The following KIAA0232 variants were observed in gnomAD, a reference collection of about 807,000 sequenced individuals.
KIAA0232 encodes the protein KIAA0232, also known as uncharacterized protein KIAA0232.
Under a neutral mutation model 122.0 loss-of-function variants are expected in KIAA0232, and 27 were observed. The ratio of observed to expected loss-of-function variants is 0.22; its 90% confidence interval spans 0.16 to 0.31. The LOEUF (loss-of-function observed/expected upper bound fraction) is 0.31. Ranked by LOEUF, KIAA0232 falls within the 10% of genes least tolerant of loss-of-function variation. The pLI is 1.00. For missense variants in KIAA0232, 1,551 were observed against 1,634.2 expected (o/e 0.95, Z 0.88); for synonymous variants, 613 against 587.6 (o/e 1.04, Z -0.63).
At chr4:6,818,077 C>A (rs1199907002) in intron 2 of KIAA0232, among the ~76,000 whole-genome samples, 1 of 151,920 alleles carries the variant, frequency 6.6e-6, no homozygotes, top group African/African-American at 2.4e-5. Context: ...ATTTTATACA[C>A]CTATAACATT....
At chr4:6,860,557 G>T (rs1371527909) in intron 6 of KIAA0232, among the ~76,000 whole-genome samples, 2 of 152,200 alleles carry the variant, frequency 1.3e-5, no homozygotes, top group Non-Finnish European at 2.9e-5. Flanking sequence ...TTCAAATTCA[G>T]ATAATGCTTA....
rs576456323 is a variant in KIAA0232, at chr4:6,822,510, T to G, written c.-269-1675T>G. Among the ~76,000 whole-genome samples, 62 of 152,306 alleles carry G rather than the reference T, an allele frequency of 4.1e-4. 1 individual carries two copies. The South Asian group carries it at 0.011, about 26-fold the overall frequency. ...CTTTGAAAGTAATTTTTGGTAGCCC[T>G]CTTATTATCTGTTAAAATTCATGCA... On this transcript the variant is annotated intron_variant, in intron 2 of 9. Transcript: ENST00000307659.
chr4:6,862,299 T>G lies in KIAA0232; in HGVS notation c.1917T>G (p.Asn639Lys), dbSNP rs1225051937. Reference sequence around the variant, plus strand: ...ATCAAGAGCTCTTTTCAGATATTAATGAAGGATCTGGTATAAACTCTTGTT... The same window carrying G: ...ATCAAGAGCTCTTTTCAGATATTAAGGAAGGATCTGGTATAAACTCTTGTT... ...AGNQELFSDI[N>K]EGSGINSCFS... Residue 639 changes from asparagine (N) to lysine (K), a missense_variant, in exon 7 of 10, where the codon AAT becomes AAG. Physicochemically the swap from Asn to Lys is moderately conservative, Grantham distance 94. This residue lies in a region of KIAA0232 where 1,108 missense variants were observed against 1,154.8 expected (regional missense o/e 0.96). Coordinates refer to ENST00000307659, the MANE Select transcript of KIAA0232 (RefSeq NM_014743.3). The G allele has an allele frequency of 1.7e-5, 28 of 1,614,160 alleles. No individual in the cohort carries two copies. The highest frequency in any genetic ancestry group is 2.0e-5 in the Non-Finnish European group (24 of 1,180,010).
chr4:6,822,357 C>G (rs1718462842), intron 2 of KIAA0232, among the ~76,000 whole-genome samples: 1 of 152,052 alleles, frequency 6.6e-6, no homozygotes, highest in Non-Finnish European at 1.5e-5. Flanking sequence ...AAACTGTTGT[C>G]TTTATATTTA....
chr4:6,826,184 G>C (rs951084700), intron 3 of KIAA0232, among the ~76,000 whole-genome samples: 6 of 152,196 alleles, frequency 3.9e-5, no homozygotes, highest in Non-Finnish European at 5.9e-5. Flanking sequence ...ATCATGTCTA[G>C]CTGGACACAG....
At chr4:6,865,903 T>C (rs779328689) in intron 7 of KIAA0232, among the ~76,000 whole-genome samples, 6 of 152,192 alleles carry the variant, frequency 3.9e-5, no homozygotes, top group Non-Finnish European at 7.3e-5. Context: ...GAGTTATTTA[T>C]ATCCTGGACT....
At position 6,862,521 on chromosome 4, in the gene KIAA0232, A is replaced by G. The variant is rs183638611; in HGVS notation, c.2139A>G (p.Pro713=). ...CSNLSTRTCS[P]WSHSEETRSD... Reference sequence around the variant, plus strand: ...ATCTTTCAACAAGAACTTGTAGTCCATGGTCCCATTCAGAAGAAACACGTT... The same window carrying G: ...ATCTTTCAACAAGAACTTGTAGTCCGTGGTCCCATTCAGAAGAAACACGTT... The change falls in exon 7 of 10, where the codon CCA becomes CCG. Residue 713 remains proline, a synonymous_variant. Transcript: ENST00000307659. 5 of 1,613,792 alleles carry G rather than the reference A, an allele frequency of 3.1e-6. No homozygotes were observed. In the Admixed American group the frequency reaches 5.0e-5, roughly 16 times the overall value.
At chr4:6,803,116 G>A (rs1357166378) in intron 1 of KIAA0232, among the ~76,000 whole-genome samples, 3 of 150,724 alleles carry the variant, frequency 2.0e-5, no homozygotes, top group African/African-American at 7.3e-5. Flanking sequence ...AGGAGTTCTA[G>A]GCTGTAGTAA....
intron 4 of KIAA0232, among the ~76,000 whole-genome samples, chr4:6,842,838 C>T (rs1235824852): frequency 3.3e-5 from 5 of 152,056 alleles, no homozygotes; most frequent in East Asian, 1.9e-4. Context: ...ATCTGCCTGC[C>T]GTGGCCTCCC....
intron 8 of KIAA0232, among the ~76,000 whole-genome samples, chr4:6,874,347 G>A (rs961242642): frequency 2.0e-5 from 3 of 152,190 alleles, no homozygotes; most frequent in African/African-American, 7.2e-5. Context: ...AGGCAGCAGT[G>A]GCTTGTGCAG....
Position 6,882,914 on chromosome 4 carries a change from T to G in KIAA0232, c.*1948T>G, listed in dbSNP as rs1349916140. The G allele has an allele frequency of 8.5e-5, 13 of 152,500 alleles. No homozygotes were observed. 9.4% of individuals were successfully genotyped at this position (152,500 alleles called of 1,614,324 possible). On this transcript the variant is annotated 3_prime_UTR_variant, in exon 10 of 10. Transcript: ENST00000307659. Reference sequence around the variant, plus strand: ...TTTCAGACACAACCTTGAGCACAGTTGATTTTGGACAGCTGCTGTTTATTA... The same window carrying G: ...TTTCAGACACAACCTTGAGCACAGTGGATTTTGGACAGCTGCTGTTTATTA...
Position 6,861,829 on chromosome 4 carries a change from C to T in KIAA0232, c.1447C>T (p.Leu483Phe). The change falls in exon 7 of 10, where the codon CTC becomes TTC. Residue 483 changes from leucine (L) to phenylalanine (F), a missense_variant. Leu to Phe is a conservative substitution (Grantham distance 22, BLOSUM62 0). This residue lies in a region of KIAA0232 where 1,108 missense variants were observed against 1,154.8 expected (regional missense o/e 0.96). Coordinates refer to ENST00000307659, the MANE Select transcript of KIAA0232 (RefSeq NM_014743.3). ...MPAVINEDID[L>F]TGTSLCSLPE... ...TGCAGTTATAAATGAGGATATTGACCTCACTGGGACCTCATTATGTTCTCT... is the reference window on the plus strand; with the variant it reads ...TGCAGTTATAAATGAGGATATTGACTTCACTGGGACCTCATTATGTTCTCT... The T allele has an allele frequency of 3.7e-6, 6 of 1,613,948 alleles. No homozygotes were observed. Among genetic ancestry groups the T allele is most frequent in the South Asian group, 1.1e-5 (1 of 91,042 alleles).
At chr4:6,801,892 G>T (rs913339122) in intron 1 of KIAA0232, among the ~76,000 whole-genome samples, 10 of 152,082 alleles carry the variant, frequency 6.6e-5, no homozygotes, top group Non-Finnish European at 1.0e-4. Flanking sequence ...GAAGTTATTT[G>T]TATACATGCC....
chr4:6,829,601 C>G (rs1449745829), intron 3 of KIAA0232, among the ~76,000 whole-genome samples: 1 of 152,220 alleles, frequency 6.6e-6, no homozygotes, highest in Non-Finnish European at 1.5e-5. Context: ...CAAGCCAAAC[C>G]TCGAAAGTAA....
At chr4:6,800,039 C>CTTTTTTTT (rs1717310962) in intron 1 of KIAA0232, among the ~76,000 whole-genome samples, 2 of 67,304 alleles carry the variant, frequency 3.0e-5, no homozygotes, top group African/African-American at 5.8e-5. Flanking sequence ...TTCTTTCTTT[C>CTTTTTTTT]TTTCTTTTTT....
At chr4:6,788,432 T>A (rs1577350755) in intron 1 of KIAA0232, among the ~76,000 whole-genome samples, 2 of 152,176 alleles carry the variant, frequency 1.3e-5, no homozygotes, top group East Asian at 3.9e-4. Context: ...AGTCTTGGAG[T>A]CTTGGCTTAA....
chr4:6,816,560 G>T (rs1052458296), intron 2 of KIAA0232, among the ~76,000 whole-genome samples: 11 of 152,158 alleles, frequency 7.2e-5, no homozygotes, highest in Non-Finnish European at 1.5e-5. Context: ...GGGATTACAG[G>T]CGTGAGCCAC....
intron 1 of KIAA0232, among the ~76,000 whole-genome samples, chr4:6,784,006 G>C (rs1003177589): frequency 1.3e-5 from 2 of 152,108 alleles, no homozygotes; most frequent in Non-Finnish European, 2.9e-5. Context: ...CGAACTCTTG[G>C]TACAGACCCC....
intron 2 of KIAA0232, among the ~76,000 whole-genome samples, chr4:6,821,225 T>C (rs978540300): frequency 2.2e-4 from 34 of 152,214 alleles, no homozygotes; most frequent in African/African-American, 8.0e-4. Flanking sequence ...GCTTTTTATT[T>C]TTATTTTTTA....
Sources: gnomAD v4.1 joint callset for allele counts (sites outside exome capture counted in the v4.1 genomes callset) on GRCh38, gnomAD v4.1.1 for gene constraint, gnomAD v4.1.1 regional missense constraint, MANE v1.5 for transcripts, NCBI Gene and HGNC (gene_info 2026-07-23, HGNC 2026-07-21) for gene names.